The following EZH2 variants were observed in gnomAD, a reference collection of about 807,000 sequenced individuals.
The protein encoded by EZH2 is histone-lysine N-methyltransferase EZH2.
In EZH2, 18 loss-of-function variants were observed where a neutral mutation model predicts 98.4. The ratio of observed to expected loss-of-function variants is 0.18; its 90% CI spans 0.13 to 0.27. The LOEUF (loss-of-function observed/expected upper bound fraction) is 0.27. Ranked by LOEUF, EZH2 falls within the 10% of genes least tolerant of loss-of-function variation. EZH2 has a pLI of 1.00. For missense variants in EZH2, 470 were observed against 935.1 expected (o/e 0.50, Z 6.49); for synonymous variants, 338 against 312.3 (o/e 1.08, Z -0.87).
intron 8 of EZH2, among the ~76,000 whole-genome samples, chr7:148,824,513 C>T (rs1807109813): frequency 6.6e-6 from 1 of 152,146 alleles, no homozygotes; most frequent in Admixed American, 6.5e-5. Context: ...GTATCCAGTA[C>T]AGTGGCATGC....
intron 3 of EZH2, among the ~76,000 whole-genome samples, chr7:148,833,321 G>C (rs936814895): frequency 6.6e-6 from 1 of 151,652 alleles, no homozygotes. Flanking sequence ...GCCAGGCATG[G>C]TGGCGCGCGC....
chr7:148,834,215 A>G (rs985556448), intron 3 of EZH2, among the ~76,000 whole-genome samples: 15 of 152,148 alleles, frequency 9.9e-5, no homozygotes, highest in African/African-American at 3.4e-4. Flanking sequence ...CTTAAAGAGT[A>G]CTACTGCCCA....
At chr7:148,872,811 C>T (rs1819604122) in intron 1 of EZH2, among the ~76,000 whole-genome samples, 1 of 152,008 alleles carries the variant, frequency 6.6e-6, no homozygotes. Context: ...ATAGATAAAG[C>T]AGTCATGACA....
chr7:148,853,843 A>T (rs111228020), intron 1 of EZH2, among the ~76,000 whole-genome samples: 1 of 152,202 alleles, frequency 6.6e-6, no homozygotes, highest in Non-Finnish European at 1.5e-5. Flanking sequence ...GAATTAATGG[A>T]AGATGGGCTC....
In EZH2 at chr7:148,863,083, C is replaced by CA. The variant is rs11295626; in HGVS notation, c.-7-15779dup. ...TGGATGACAGAGTGAGACCCTGTCT[C>CA]AAAAAAAAAAAAAAAAGAAAGAAAG... On this transcript the variant is annotated intron_variant, in intron 1 of 19. Coordinates refer to ENST00000320356, the MANE Select transcript of EZH2 (RefSeq NM_004456.5). Among the ~76,000 whole-genome samples the CA allele has an allele frequency of 1.1e-3, 125 of 117,370 alleles. 2 individuals are homozygous for CA. The highest frequency in any genetic ancestry group is 3.9e-3 in the African/African-American group (123 of 31,556). The allele number at this position is 117,370 out of a possible 152,430, so 77.0% of individuals were successfully genotyped here.
In EZH2 at chr7:148,862,362, C is replaced by G. The variant is rs562260988; in HGVS notation, c.-7-15057G>C. Among the ~76,000 whole-genome samples the G allele has an allele frequency of 2.0e-5, 3 of 152,260 alleles. No homozygotes were observed. The East Asian group carries it at 5.8e-4, about 29-fold the overall frequency. The stretch of plus-strand genomic sequence containing the variant: ...TATTTCAAAAAATCATGTTGTTAAA[C>G]CCATTAATCTCATCAGAAAGTCTTT... On this transcript the variant is annotated intron_variant, in intron 1 of 19. Coordinates refer to ENST00000320356, the MANE Select transcript of EZH2 (RefSeq NM_004456.5).
At chr7:148,871,478 C>T (rs936764515) in intron 1 of EZH2, among the ~76,000 whole-genome samples, 10 of 149,352 alleles carry the variant, frequency 6.7e-5, no homozygotes, top group African/African-American at 2.5e-4. Flanking sequence ...TCCAAATTCA[C>T]TCATACTCAA....
intron 1 of EZH2, among the ~76,000 whole-genome samples, chr7:148,865,371 T>A (rs1158859605): frequency 1.3e-5 from 2 of 152,164 alleles, no homozygotes; most frequent in Admixed American, 1.3e-4. Flanking sequence ...AGCAAAAATG[T>A]CAGAGAAAGC....
chr7:148,878,113 C>A (rs1377900698), intron 1 of EZH2, among the ~76,000 whole-genome samples: 1 of 152,160 alleles, frequency 6.6e-6, no homozygotes, highest in African/African-American at 2.4e-5. Flanking sequence ...GATACAGATA[C>A]ATATCGTGTA....
intron 1 of EZH2, among the ~76,000 whole-genome samples, chr7:148,862,786 C>T (rs1425617421): frequency 6.6e-6 from 1 of 152,122 alleles, no homozygotes; most frequent in African/African-American, 2.4e-5. Flanking sequence ...ATTTTTAGTA[C>T]TTCATCAAGG....
In EZH2 at chr7:148,809,730, AG is replaced by A. The variant is rs1802512624; in HGVS notation, c.2030-341del. Among the ~76,000 whole-genome samples the A allele has an allele frequency of 3.3e-5, 5 of 152,200 alleles. No individual in the cohort carries two copies. The South Asian group carries it at 6.2e-4, about 19-fold the overall frequency. On this transcript the variant is annotated intron_variant, in intron 17 of 19. Transcript: ENST00000320356. ...AATAGGCATTTTCACATTTAAAATT[AG>A]TTTTTTTCATTATAATGTCTATAAA...
At chr7:148,862,527 G>A (rs1300317066) in intron 1 of EZH2, among the ~76,000 whole-genome samples, 2 of 152,076 alleles carry the variant, frequency 1.3e-5, no homozygotes, top group Non-Finnish European at 2.9e-5. Flanking sequence ...TCACTTCATT[G>A]ATTTAAAAAA....
chr7:148,866,720 T>A (rs1818604464), intron 1 of EZH2, among the ~76,000 whole-genome samples: 1 of 146,512 alleles, frequency 6.8e-6, no homozygotes, highest in South Asian at 2.1e-4. Flanking sequence ...ATATATATAT[T>A]TATTCCTTTT....
At chr7:148,870,353 A>G (rs1819173071) in intron 1 of EZH2, among the ~76,000 whole-genome samples, 1 of 152,194 alleles carries the variant, frequency 6.6e-6, no homozygotes, top group Admixed American at 6.5e-5. Context: ...TTAGATCAGA[A>G]TTTTATGAAT....
chr7:148,867,857 G>A lies in EZH2; in HGVS notation c.-8+16307C>T, dbSNP rs115817075. 8.5e-3 allele frequency among the ~76,000 whole-genome samples: 1,296 copies of A among 152,214 alleles called. 29 individuals carry two copies. Among genetic ancestry groups the A allele is most frequent in the African/African-American group, 0.03 (1,236 of 41,538 alleles). The stretch of plus-strand genomic sequence containing the variant: ...GTTGCTGCTTTTAGAAATTTCTTCC[G>A]CCAGATACCCTAAACATCTCAAGTT... On this transcript the variant is annotated intron_variant, in intron 1 of 19. Coordinates refer to ENST00000320356, the MANE Select transcript of EZH2 (RefSeq NM_004456.5).
chr7:148,820,733 A>G (rs1005281691), intron 8 of EZH2, among the ~76,000 whole-genome samples: 5 of 152,206 alleles, frequency 3.3e-5, no homozygotes, highest in Non-Finnish European at 7.3e-5. Context: ...TTAAACTAAC[A>G]TTGTAGCTGG....
At chr7:148,820,666 T>C (rs2040211126) in intron 8 of EZH2, among the ~76,000 whole-genome samples, 1 of 152,162 alleles carries the variant, frequency 6.6e-6, no homozygotes, top group South Asian at 2.1e-4. Flanking sequence ...AATACTAATC[T>C]GGTGCTGGAT....
chr7:148,838,809 T>C (rs1204295387), intron 3 of EZH2, among the ~76,000 whole-genome samples: 3 of 152,116 alleles, frequency 2.0e-5, no homozygotes, highest in Admixed American at 6.5e-5. Context: ...TCCCAGCACT[T>C]TGGGAGGCCA....
chr7:148,823,652 C>CT (rs548755331), intron 8 of EZH2, among the ~76,000 whole-genome samples: 3,457 of 141,608 alleles, frequency 0.024, 50 homozygotes, highest in South Asian at 0.049. Context: ...CATTTTCATA[C>CT]TTTTTTTTTT....
Sources: gnomAD v4.1 joint callset for allele counts (sites outside exome capture counted in the v4.1 genomes callset) on GRCh38, gnomAD v4.1.1 for gene constraint, MANE v1.5 for transcripts, NCBI Gene and HGNC (gene_info 2026-07-23, HGNC 2026-07-21) for gene names.